GFRA2: variants seen among roughly 807,000 people sequenced by gnomAD.
GFRA2 encodes GDNF family receptor alpha 2, also known as GDNF family receptor alpha-2.
In GFRA2, 17 loss-of-function variants were observed where a neutral mutation model predicts 48.3. The ratio of observed to expected loss-of-function variants is 0.35; its 90% confidence interval spans 0.24 to 0.53. GFRA2 has a LOEUF of 0.53. Ranked by LOEUF, GFRA2 falls within the 20% of genes least tolerant of loss-of-function variation. The pLI is 0.93. For synonymous variants in GFRA2, 305 were observed against 257.2 expected, an observed-to-expected ratio of 1.19 and a Z score of -1.78; for missense variants, 660 against 637.3, an observed-to-expected ratio of 1.04 and a Z score of -0.38.
chr8:21,783,997 C>T (rs1030553627), intron 1 of GFRA2, among the ~76,000 whole-genome samples: 156 of 152,048 alleles, frequency 1.0e-3, no homozygotes, highest in South Asian at 7.9e-3. Flanking sequence ...TTCCAAAAGC[C>T]AAATAATTGC....
At position 21,693,335 on chromosome 8, in the gene GFRA2, G is replaced by C. The variant is rs1289179023; in HGVS notation, c.1338C>G (p.Ala446=). The change falls in exon 9 of 9, where the codon GCC becomes GCG. Residue 446 remains alanine (A), a synonymous_variant. Coordinates refer to ENST00000524240, the MANE Select transcript of GFRA2 (RefSeq NM_001495.5). The part of the protein sequence containing the change: ...VIKPNSGPSR[A]RPSAALTVLS... The stretch of plus-strand genomic sequence containing the variant: ...GCACGGTCAAGGCAGCCGACGGTCT[G>C]GCTCTGCTGGGGCCTGAGTTAGGTT... 6.2e-7 allele frequency: 1 copy of C among 1,613,592 alleles called. No homozygotes were observed. Among genetic ancestry groups the C allele is most frequent in the Non-Finnish European group, 8.5e-7 (1 of 1,179,696 alleles).
chr8:21,750,839 G>A lies in GFRA2; in HGVS notation c.543C>T (p.Tyr181=), dbSNP rs1487136641. 7 of 1,613,962 alleles carry A rather than the reference G, an allele frequency of 4.3e-6. No individual in the cohort carries two copies. Among genetic ancestry groups the A allele is most frequent in the Middle Eastern group, 3.3e-4 (2 of 6,062 alleles). ...NDNCKKLRSS[Y]ISICNREISP... Reference sequence around the variant, plus strand: ...AGATCTCGCGGTTGCAGATGGAGATGTAGGAGGAGCGCAGCTTCTTGCAGT... The same window carrying A: ...AGATCTCGCGGTTGCAGATGGAGATATAGGAGGAGCGCAGCTTCTTGCAGT... Residue 181 remains tyrosine (Y), a synonymous_variant, in exon 4 of 9, where the codon TAC becomes TAT. Coordinates refer to ENST00000524240, the MANE Select transcript of GFRA2 (RefSeq NM_001495.5). The surrounding 1 kb of genome is among the most constrained non-coding windows in gnomAD (Gnocchi z 5.7).
At chr8:21,756,883 C>G (rs781659482) in intron 3 of GFRA2, among the ~76,000 whole-genome samples, 1 of 152,180 alleles carries the variant, frequency 6.6e-6, no homozygotes, top group Non-Finnish European at 1.5e-5. Flanking sequence ...CCTGGAGAGC[C>G]TGAACTCAAC....
At chr8:21,735,766 G>A (rs555969252) in intron 4 of GFRA2, among the ~76,000 whole-genome samples, 67 of 151,842 alleles carry the variant, frequency 4.4e-4, no homozygotes, top group African/African-American at 1.2e-3. Context: ...TCCAGGGCTC[G>A]AGCCGTCCTC....
chr8:21,712,731 G>C (rs1803117391), intron 4 of GFRA2, among the ~76,000 whole-genome samples: 1 of 152,236 alleles, frequency 6.6e-6, no homozygotes, highest in South Asian at 2.1e-4. Flanking sequence ...AGCACTGAGT[G>C]AACGAGACTC....
intron 4 of GFRA2, among the ~76,000 whole-genome samples, chr8:21,721,487 A>T (rs1043405877): frequency 6.6e-6 from 1 of 152,182 alleles, no homozygotes; most frequent in Non-Finnish European, 1.5e-5. Flanking sequence ...TCAAACACGC[A>T]GAAGGGCAAA....
Position 21,787,282 on chromosome 8 carries a change from G to C in GFRA2, c.40+838C>G. 2.7e-5 allele frequency among the ~76,000 whole-genome samples: 4 copies of C among 148,978 alleles called. No individual in the cohort carries two copies. The East Asian group carries it at 8.2e-4, about 30-fold the overall frequency. On this transcript the variant is annotated intron_variant, in intron 1 of 8. Coordinates refer to ENST00000524240, the MANE Select transcript of GFRA2 (RefSeq NM_001495.5). ...AGGCGGCGGGGGGGGCAGTGGGGGGGGTTTGCAGAAGGAGCAGTGGTCTTT... is the reference window on the plus strand; with the variant it reads ...AGGCGGCGGGGGGGGCAGTGGGGGGCGTTTGCAGAAGGAGCAGTGGTCTTT...
upstream of GFRA2, among the ~76,000 whole-genome samples, chr8:21,791,375 C>T (rs952933778): frequency 2.0e-5 from 3 of 152,176 alleles, no homozygotes; most frequent in African/African-American, 7.2e-5. Flanking sequence ...TCACCACCAG[C>T]ATTCAGCTTG....
At chr8:21,779,497 T>C (rs987835508) in intron 2 of GFRA2, 1 of 152,134 alleles carries the variant, frequency 6.6e-6, no homozygotes, top group Admixed American at 6.6e-5. Context: ...CTGCCCAGTC[T>C]CCCTTGGGTG....
At chr8:21,807,193 T>C (rs1014953316) in intron 1 of GFRA2, among the ~76,000 whole-genome samples, 8 of 152,222 alleles carry the variant, frequency 5.3e-5, no homozygotes, top group African/African-American at 1.4e-4. Flanking sequence ...ACTGAGATCA[T>C]TGACAGCCCA....
Position 21,804,549 on chromosome 8 carries a change from G to C in GFRA2, c.-36+468C>G, listed in dbSNP as rs575617820. On this transcript the variant is annotated intron_variant, in intron 2 of 10. Transcript: ENST00000517328. ...AAATAGGACAGATGCCTTACTCTGA[G>C]GAGTCTTCCTCACACCCCTGAAGCA... Among the ~76,000 whole-genome samples, 10 of 152,118 alleles carry C rather than the reference G, an allele frequency of 6.6e-5. No individual in the cohort carries two copies. In the East Asian group the frequency reaches 1.9e-3, roughly 29 times the overall value.
upstream of GFRA2, among the ~76,000 whole-genome samples, chr8:21,791,592 TACTATA>T (rs1245740675): frequency 4.7e-4 from 71 of 152,248 alleles, no homozygotes; most frequent in Non-Finnish European, 9.0e-4. Flanking sequence ...GTTGAACATG[TACTATA>T]ACACCTTATA....
At chr8:21,774,575 C>T (rs1806600665) in intron 3 of GFRA2, among the ~76,000 whole-genome samples, 1 of 152,192 alleles carries the variant, frequency 6.6e-6, no homozygotes, top group Non-Finnish European at 1.5e-5. Context: ...GAGGTCGGTA[C>T]GGTACTCCCC....
At chr8:21,753,073 C>T (rs776469395) in intron 3 of GFRA2, among the ~76,000 whole-genome samples, 57 of 152,300 alleles carry the variant, frequency 3.7e-4, no homozygotes, top group Admixed American at 7.8e-4. Context: ...CTACAGCAGA[C>T]AGCCATTGCT....
intron 4 of GFRA2, among the ~76,000 whole-genome samples, chr8:21,724,464 G>A (rs73554709): frequency 0.11 from 17,396 of 152,112 alleles, 1,067 homozygotes; most frequent in South Asian, 0.21. Flanking sequence ...GCTAATAGGA[G>A]GACTATTCCT....
intron 4 of GFRA2, among the ~76,000 whole-genome samples, chr8:21,747,887 G>C (rs1401120836): frequency 6.6e-6 from 1 of 151,816 alleles, no homozygotes; most frequent in Non-Finnish European, 1.5e-5. Context: ...CACTCTGTGA[G>C]ACACCACAGC....
intron 3 of GFRA2, among the ~76,000 whole-genome samples, chr8:21,773,954 G>A (rs1476008770): frequency 1.3e-5 from 2 of 152,148 alleles, no homozygotes; most frequent in Non-Finnish European, 2.9e-5. Context: ...CCACAAGAAA[G>A]AATTAACCAG....
intron 7 of GFRA2, among the ~76,000 whole-genome samples, chr8:21,695,315 C>A (rs1375319010): frequency 2.0e-5 from 3 of 152,156 alleles, no homozygotes; most frequent in Non-Finnish European, 2.9e-5. Flanking sequence ...GCAGCGCTTC[C>A]ATCCAGGATT....
chr8:21,773,555 A>T lies in GFRA2; in HGVS notation c.439+1417T>A, dbSNP rs1013234156. 7.2e-5 allele frequency among the ~76,000 whole-genome samples: 11 copies of T among 152,386 alleles called. No individual in the cohort carries two copies. In the South Asian group the frequency reaches 2.3e-3, roughly 32 times the overall value. ...AGCAAAAGCTGGTTCTTGGGTGGAC[A>T]AAAAGAGAAAGAAAAAGGAGATCTT... On this transcript the variant is annotated intron_variant, in intron 3 of 8. Transcript: ENST00000524240.
Sources: gnomAD v4.1 joint callset for allele counts (sites outside exome capture counted in the v4.1 genomes callset) on GRCh38, gnomAD v4.1.1 for gene constraint, Gnocchi (gnomAD v3.1) non-coding constraint, MANE v1.5 for transcripts, NCBI Gene and HGNC (gene_info 2026-07-23, HGNC 2026-07-21) for gene names.